ARHGEF4: variants seen among roughly 807,000 people sequenced by gnomAD.
The protein encoded by ARHGEF4 is APC-stimulated guanine nucleotide exchange factor 1.
Under a neutral mutation model 162.0 loss-of-function variants are expected in ARHGEF4, and 119 were observed. That is an observed-to-expected ratio of 0.73 (90% CI 0.63 to 0.86). The LOEUF (loss-of-function observed/expected upper bound fraction) is 0.86. Among genes scored for constraint, ARHGEF4 ranks in the 40% least tolerant of loss-of-function variants. The probability of loss-of-function intolerance (pLI) is 0.00; values close to 1 mark genes in which losing one functional copy is unlikely to be tolerated. For missense variants in ARHGEF4, 2,488 were observed against 2,456.0 expected (o/e 1.01, Z -0.28); for synonymous variants, 1,014 against 979.9 (o/e 1.03, Z -0.65).
intron 2 of ARHGEF4, 65 bp from the exon 3 acceptor site, chr2:130,930,887 C>T (rs1319848259): frequency 7.5e-6 from 11 of 1,475,250 alleles, no homozygotes; most frequent in Admixed American, 4.0e-5. Flanking sequence ...AGAGGAAGGA[C>T]AGCGTGTTCC....
chr2:131,004,178 T>C (rs1390978474), intron 4 of ARHGEF4, among the ~76,000 whole-genome samples: 3 of 152,264 alleles, frequency 2.0e-5, no homozygotes. Flanking sequence ...GTTTTGGGGT[T>C]TTTTTGAGAC....
intron 4 of ARHGEF4, among the ~76,000 whole-genome samples, chr2:130,970,250 C>T (rs1328654321): frequency 6.6e-6 from 1 of 152,148 alleles, no homozygotes; most frequent in East Asian, 1.9e-4. Context: ...TACAGTTCCT[C>T]TTGATATATA....
intron 6 of ARHGEF4, chr2:131,039,332 C>G: frequency 8.4e-7 from 1 of 1,187,450 alleles, no homozygotes; most frequent in Non-Finnish European, 1.0e-6. Context: ...TTCCCAAGCC[C>G]TGAAGAGCAC....
intron 4 of ARHGEF4, among the ~76,000 whole-genome samples, chr2:130,955,384 ATAT>A (rs1684204011): frequency 6.6e-6 from 1 of 152,256 alleles, no homozygotes. Context: ...ATTTTAGATA[ATAT>A]TATAGCCACT....
At chr2:130,869,901 T>C (rs1678347415) in intron 1 of ARHGEF4, among the ~76,000 whole-genome samples, 1 of 152,230 alleles carries the variant, frequency 6.6e-6, no homozygotes, top group Non-Finnish European at 1.5e-5. Flanking sequence ...GGACCCTCAC[T>C]GTGTGCACAC....
chr2:130,869,965 C>T (rs1396654643), intron 1 of ARHGEF4, among the ~76,000 whole-genome samples: 2 of 152,198 alleles, frequency 1.3e-5, no homozygotes, highest in East Asian at 1.9e-4. Flanking sequence ...CAGCGGGACC[C>T]GCTGAGCTCT....
intron 4 of ARHGEF4, among the ~76,000 whole-genome samples, chr2:131,022,419 C>G (rs1689189681): frequency 6.6e-6 from 1 of 152,000 alleles, no homozygotes; most frequent in South Asian, 2.1e-4. Flanking sequence ...TCCATTTCAT[C>G]TAGTTTATTT....
chr2:130,942,725 G>A (rs567510654), intron 3 of ARHGEF4, among the ~76,000 whole-genome samples: 29 of 152,132 alleles, frequency 1.9e-4, no homozygotes, highest in African/African-American at 6.5e-4. Flanking sequence ...TTAGGATTTC[G>A]TTTTTAAGAA....
At chr2:130,931,694 T>G (rs1682643853) in intron 3 of ARHGEF4, among the ~76,000 whole-genome samples, 1 of 152,242 alleles carries the variant, frequency 6.6e-6, no homozygotes, top group Admixed American at 6.5e-5. Flanking sequence ...TGTTGTCCAT[T>G]CAATTTTGTC....
chr2:131,000,476 A>G (rs539165627), intron 4 of ARHGEF4, among the ~76,000 whole-genome samples: 129 of 152,128 alleles, frequency 8.5e-4, no homozygotes, highest in African/African-American at 2.8e-3. Context: ...TTCTTTTTCT[A>G]TTTTCTGAAG....
intron 4 of ARHGEF4, among the ~76,000 whole-genome samples, chr2:130,951,608 C>T (rs1216318144): frequency 6.6e-6 from 1 of 152,016 alleles, no homozygotes; most frequent in Admixed American, 6.6e-5. Context: ...TTGTTCTATT[C>T]CTTCTTTACT....
chr2:131,033,486 C>T lies in ARHGEF4; in HGVS notation c.4126-5367C>T, dbSNP rs572513882. The stretch of plus-strand genomic sequence containing the variant: ...TGCCTTTGCCGGCCATCCAGCTCAC[C>T]GACCCACTGTACCCAGGGCCCAGAG... On this transcript the variant is annotated intron_variant, in intron 5 of 13. Coordinates refer to ENST00000409359, the MANE Select transcript of ARHGEF4 (RefSeq NM_001367493.1). 5.9e-5 allele frequency among the ~76,000 whole-genome samples: 9 copies of T among 152,290 alleles called. No homozygotes were observed. The East Asian group carries it at 7.7e-4, about 13-fold the overall frequency.
At position 130,917,015 on chromosome 2, in the gene ARHGEF4, G is replaced by A. The variant is rs1203643691; in HGVS notation, c.3069G>A (p.Arg1023=). ...LSSSLVSPEH[R]RKSEPTIKCT... is the part of the protein sequence containing the mutation. ...CCAGTTTAGTTTCTCCAGAACACAG[G>A]AGGAAAAGTGAACCGACCATCAAGT... is the stretch of plus-strand genomic sequence containing the variant. Residue 1023 remains arginine, a synonymous_variant, in exon 2 of 14, where the codon AGG becomes AGA. Transcript: ENST00000409359. 7.1e-6 allele frequency: 11 copies of A among 1,550,810 alleles called. No homozygotes were observed. The highest frequency in any genetic ancestry group is 1.7e-4 in the Middle Eastern group (1 of 6,016).
intron 10 of ARHGEF4, among the ~76,000 whole-genome samples, chr2:131,043,155 C>T (rs1192869097): frequency 1.3e-5 from 2 of 152,172 alleles, no homozygotes; most frequent in African/African-American, 2.4e-5. Context: ...CATATGAAGT[C>T]TTCAAAATCA....
At chr2:130,873,395 C>A (rs140260459) in intron 1 of ARHGEF4, among the ~76,000 whole-genome samples, 2,920 of 152,124 alleles carry the variant, frequency 0.019, 90 homozygotes, top group African/African-American at 0.067. Flanking sequence ...TCGAGACCAG[C>A]CTGGCCAACG....
intron 1 of ARHGEF4, among the ~76,000 whole-genome samples, chr2:130,910,598 T>C (rs1681115880): frequency 6.6e-6 from 1 of 152,194 alleles, no homozygotes. Flanking sequence ...GAGGAAAAAC[T>C]AGTAAGACTT....
At chr2:130,911,811 C>T (rs1574214020) in intron 1 of ARHGEF4, among the ~76,000 whole-genome samples, 1 of 152,246 alleles carries the variant, frequency 6.6e-6, no homozygotes, top group South Asian at 2.1e-4. Context: ...ACAGGTAGTG[C>T]CCTGGGCAGC....
chr2:130,948,414 G>T (rs1208696881), intron 4 of ARHGEF4, among the ~76,000 whole-genome samples: 1 of 152,222 alleles, frequency 6.6e-6, no homozygotes, highest in Non-Finnish European at 1.5e-5. Flanking sequence ...TCTTGCATGA[G>T]CCCTTCATTA....
intron 1 of ARHGEF4, among the ~76,000 whole-genome samples, chr2:130,885,583 T>A (rs1679469313): frequency 6.8e-6 from 1 of 147,132 alleles, no homozygotes; most frequent in Non-Finnish European, 1.5e-5. Context: ...TTTTTTTTTT[T>A]TTTTTAGATG....
Sources: gnomAD v4.1 joint callset for allele counts (sites outside exome capture counted in the v4.1 genomes callset) on GRCh38, gnomAD v4.1.1 for gene constraint, MANE v1.5 for transcripts, NCBI Gene and HGNC (gene_info 2026-07-23, HGNC 2026-07-21) for gene names.